Variants in ATP9A observed in about 807,000 individuals in gnomAD.
The protein encoded by ATP9A is probable phospholipid-transporting ATPase IIA.
Under a neutral mutation model 144.1 loss-of-function variants are expected in ATP9A, and 52 were observed. That is an observed-to-expected ratio of 0.36 (90% confidence interval 0.29 to 0.45). The LOEUF is 0.45. Among genes scored for constraint, ATP9A ranks in the 20% least tolerant of loss-of-function variants. The pLI is 1.00. For synonymous variants in ATP9A, 582 were observed against 557.4 expected (o/e 1.04, Z -0.62); for missense variants, 947 against 1,392.7 (o/e 0.68, Z 5.09).
intron 2 of ATP9A, among the ~76,000 whole-genome samples, chr20:51,728,032 A>C (rs2077723233): frequency 1.3e-5 from 2 of 152,102 alleles, no homozygotes; most frequent in South Asian, 4.1e-4. Context: ...TGTGGTTCTG[A>C]CCATTGGCAT....
intron 9 of ATP9A, among the ~76,000 whole-genome samples, chr20:51,687,775 A>ATGAATGAATGAATG (rs113719960): frequency 1.4e-5 from 2 of 147,458 alleles, no homozygotes; most frequent in Non-Finnish European, 3.0e-5. Context: ...AAAAAAAAAA[A>ATGAATGAATGAATG]AATGAATGAA....
At position 51,679,822 on chromosome 20, in the gene ATP9A, A is replaced by C. The variant is rs141931785; in HGVS notation, c.800-3614T>G. Among the ~76,000 whole-genome samples, 1,509 of 152,292 alleles carry C rather than the reference A, an allele frequency of 9.9e-3. 10 individuals carry two copies. Among genetic ancestry groups the C allele is most frequent in the Admixed American group, 0.02 (305 of 15,292 alleles). ...TCATCCACAACAAAATAAATGCTGA[A>C]CCCGAGAATCAGCGTTTGGAAATTT... On this transcript the variant is annotated intron_variant, in intron 9 of 27. Coordinates refer to ENST00000338821, the MANE Select transcript of ATP9A (RefSeq NM_006045.3).
chr20:51,715,883 G>A (rs1337182112), intron 3 of ATP9A, among the ~76,000 whole-genome samples: 1 of 152,212 alleles, frequency 6.6e-6, no homozygotes, highest in Non-Finnish European at 1.5e-5. Context: ...AGCTGGTGAA[G>A]AATCATAGGC....
At chr20:51,664,582 T>A (rs1160331491) in intron 13 of ATP9A, among the ~76,000 whole-genome samples, 4 of 151,816 alleles carry the variant, frequency 2.6e-5, no homozygotes, top group Admixed American at 1.3e-4. Context: ...AGTATAAGAC[T>A]CTGTCTCAAA....
At chr20:51,742,073 C>G (rs2077787411) in intron 1 of ATP9A, among the ~76,000 whole-genome samples, 1 of 152,154 alleles carries the variant, frequency 6.6e-6, no homozygotes, top group Non-Finnish European at 1.5e-5. Context: ...CCTGTCATCC[C>G]AACACTTTGA....
intron 14 of ATP9A, among the ~76,000 whole-genome samples, chr20:51,656,324 A>G (rs6126281): frequency 0.74 from 112,655 of 152,148 alleles, 42,630 homozygotes; most frequent in Middle Eastern, 0.83. Context: ...GGCCAAGGCC[A>G]GTGGATCACC....
In ATP9A at chr20:51,618,856, G is replaced by A. The variant is rs532987177; in HGVS notation, c.2206-50C>T. On this transcript the variant is annotated intron_variant, in intron 20 of 27. Coordinates refer to ENST00000338821, the MANE Select transcript of ATP9A (RefSeq NM_006045.3). ...GCGTTGGTGGAGGGAGAGGTGGTGC[G>A]TTGGTGGAGGTCGCTGCCGAGCCTG... 318 of 1,580,894 alleles carry A rather than the reference G, an allele frequency of 2.0e-4. 3 individuals are homozygous for A. In the South Asian group the frequency reaches 2.1e-3, roughly 11 times the overall value.
chr20:51,655,315 C>T lies in ATP9A; in HGVS notation c.1506+1623G>A, dbSNP rs141308686. ...TAAAAGATATTGAAAGGTGGCCGGG[C>T]GCTGTGGCTCACACCTAAAATCCCA... is the stretch of plus-strand genomic sequence containing the variant. On this transcript the variant is annotated intron_variant, in intron 14 of 27. Coordinates refer to ENST00000338821, the MANE Select transcript of ATP9A (RefSeq NM_006045.3). 1.8e-4 allele frequency among the ~76,000 whole-genome samples: 27 copies of T among 152,226 alleles called. No individual in the cohort carries two copies. The East Asian group carries it at 3.3e-3, about 18-fold the overall frequency.
chr20:51,600,213 C>T lies in ATP9A; in HGVS notation c.*998G>A, dbSNP rs2122698994. The T allele has an allele frequency of 1.3e-5, 2 of 152,320 alleles. No homozygotes were observed. Among genetic ancestry groups the T allele is most frequent in the South Asian group, 4.1e-4 (2 of 4,822 alleles). The allele number at this position is 152,320 out of a possible 1,614,324, so 9.4% of individuals were successfully genotyped here. On this transcript the variant is annotated 3_prime_UTR_variant, in exon 28 of 28. Coordinates refer to ENST00000338821, the MANE Select transcript of ATP9A (RefSeq NM_006045.3). ...GTGGGGTCATCTTCCATTATGCCTC[C>T]TAACAGGAAACAGGCTTCTATGGAA...
rs932081087 is a variant in ATP9A, at chr20:51,646,955, TA to T, written c.1507-7452del. On this transcript the variant is annotated intron_variant, in intron 14 of 27. Coordinates refer to ENST00000338821, the MANE Select transcript of ATP9A (RefSeq NM_006045.3). ...CAACATAGTGAAAACCCATCTCTAC[TA>T]AAAAAAAGTGCAAAAAATTCACTGG... is the stretch of plus-strand genomic sequence containing the variant. Among the ~76,000 whole-genome samples the T allele has an allele frequency of 1.5e-3, 222 of 151,568 alleles. 3 individuals carry two copies. The highest frequency in any genetic ancestry group is 5.1e-3 in the African/African-American group (211 of 41,330).
intron 1 of ATP9A, among the ~76,000 whole-genome samples, chr20:51,733,976 C>T (rs1029377262): frequency 1.3e-5 from 2 of 151,944 alleles, no homozygotes; most frequent in South Asian, 2.1e-4. Context: ...CCTGGCCCCT[C>T]ATGCCTTTTT....
At chr20:51,761,166 A>G (rs1005280403) in intron 1 of ATP9A, among the ~76,000 whole-genome samples, 2 of 152,214 alleles carry the variant, frequency 1.3e-5, no homozygotes, top group Non-Finnish European at 2.9e-5. Context: ...TCAAAGGGCC[A>G]TTGTGCAGCA....
intron 3 of ATP9A, among the ~76,000 whole-genome samples, chr20:51,721,823 A>G (rs28822187): frequency 2.0e-5 from 3 of 151,084 alleles, no homozygotes; most frequent in Admixed American, 2.0e-4. Context: ...AAAGAAAAAG[A>G]AAAAAGAAAA....
At chr20:51,651,189 AT>A (rs2077363179) in intron 14 of ATP9A, among the ~76,000 whole-genome samples, 2 of 96,552 alleles carry the variant, frequency 2.1e-5, no homozygotes, top group Non-Finnish European at 4.6e-5. Flanking sequence ...CAAAGTAAAT[AT>A]TATTTTATAT....
chr20:51,644,504 T>TCGAGGTGGTC (rs2077334164), intron 14 of ATP9A, among the ~76,000 whole-genome samples: 1 of 151,868 alleles, frequency 6.6e-6, no homozygotes, highest in Non-Finnish European at 1.5e-5. Context: ...TCTCCTGACC[T>TCGAGGTGGTC]CATGATCTGC....
chr20:51,670,870 A>G (rs1273930665), intron 12 of ATP9A, among the ~76,000 whole-genome samples: 3 of 152,066 alleles, frequency 2.0e-5, no homozygotes, highest in Non-Finnish European at 4.4e-5. Flanking sequence ...AACACTACCT[A>G]ACTCACAAGG....
At chr20:51,766,826 G>A (rs921061914) in intron 1 of ATP9A, among the ~76,000 whole-genome samples, 1 of 151,950 alleles carries the variant, frequency 6.6e-6, no homozygotes, top group African/African-American at 2.4e-5. Flanking sequence ...GGCAACAGAG[G>A]GAGACTCCGT....
chr20:51,667,571 G>A (rs1250009233), intron 13 of ATP9A, among the ~76,000 whole-genome samples: 2 of 152,152 alleles, frequency 1.3e-5, no homozygotes, highest in Non-Finnish European at 2.9e-5. Flanking sequence ...CATGGGAAAG[G>A]GGAGGGGATG....
intron 9 of ATP9A, among the ~76,000 whole-genome samples, chr20:51,683,966 C>G (rs2077511383): frequency 6.6e-6 from 1 of 151,960 alleles, no homozygotes; most frequent in South Asian, 2.1e-4. Flanking sequence ...AAAACAGAAA[C>G]CACAAAGAAA....
Sources: gnomAD v4.1 joint callset for allele counts (sites outside exome capture counted in the v4.1 genomes callset) on GRCh38, gnomAD v4.1.1 for gene constraint, MANE v1.5 for transcripts, NCBI Gene and HGNC (gene_info 2026-07-23, HGNC 2026-07-21) for gene names.